CAPN10: variants seen among roughly 807,000 people sequenced by gnomAD.
CAPN10 encodes the protein calpain 10, also known as calpain-10.
CAPN10 carries 71 observed loss-of-function variants against 78.4 expected under a neutral mutation model. The observed-to-expected ratio is 0.91, with a 90% confidence interval of 0.75 to 1.10. The LOEUF is 1.10. Among genes scored for constraint, CAPN10 ranks in the 50% least tolerant of loss-of-function variants. The pLI is 0.00. For synonymous variants in CAPN10, 437 were observed against 407.2 expected (o/e 1.07, Z -0.88); for missense variants, 849 against 924.6 (o/e 0.92, Z 1.06).
rs1022101631 is a variant in CAPN10 at position 240,598,743 on chromosome 2, G to A, written c.*63G>A. ...CCGAGGGCCTGACAGGTTCCCAGCA[G>A]CTGGGCCGGCCAGCCTTGCACTGTG... On this transcript the variant is annotated 3_prime_UTR_variant, in exon 12 of 12. Transcript: ENST00000391984. 6 of 1,473,018 alleles carry A rather than the reference G, an allele frequency of 4.1e-6. No homozygotes were observed. The East Asian group carries it at 1.5e-4, about 36-fold the overall frequency. The allele number at this position is 1,473,018 out of a possible 1,614,324, so 91.2% of individuals were successfully genotyped here.
chr2:240,594,457 C>G, intron 5 of CAPN10, 86 bp from the exon 6 acceptor site: 1 of 1,376,402 alleles, frequency 7.3e-7, no homozygotes, highest in South Asian at 1.3e-5. Flanking sequence ...CTCTCTGGGT[C>G]CCCTCCAGGC....
intron 7 of CAPN10, 128 bp downstream of exon 7, chr2:240,595,432 C>T (rs992283859): frequency 1.4e-5 from 14 of 1,020,646 alleles, no homozygotes; most frequent in Middle Eastern, 4.2e-4. Context: ...AGTCTCCCCC[C>T]TCCTTGGGCT....
chr2:240,593,429 C>G (rs72999992), intron 4 of CAPN10, among the ~76,000 whole-genome samples: 31 of 152,364 alleles, frequency 2.0e-4, no homozygotes, highest in Non-Finnish European at 3.5e-4. Context: ...AGGTCTCTGG[C>G]CAGGTGGAGC....
chr2:240,590,485 T>A, intron 2 of CAPN10: 1 of 246,618 alleles, frequency 4.1e-6, no homozygotes, highest in Non-Finnish European at 7.9e-6. Flanking sequence ...CTCGGTGTGG[T>A]CCTCAAGTTT....
At position 240,595,011 on chromosome 2, in the gene CAPN10, GT is replaced by G. The variant is rs1293642053; in HGVS notation, c.998-9del. On this transcript the variant is annotated splice_polypyrimidine_tract_variant and intron_variant, in intron 6 of 11. Coordinates refer to ENST00000391984, the MANE Select transcript of CAPN10 (RefSeq NM_023083.4). Reference sequence around the variant, plus strand: ...CCGTGTCCCACAGCTGATGCCTGGTGTTTTCTCACTAGAGAGGCTGCTCTGC... The same window carrying G: ...CCGTGTCCCACAGCTGATGCCTGGTGTTTCTCACTAGAGAGGCTGCTCTGC... 6.2e-7 allele frequency: 1 copy of G among 1,612,214 alleles called. No individual in the cohort carries two copies. Among genetic ancestry groups the G allele is most frequent in the Non-Finnish European group, 8.5e-7 (1 of 1,179,766 alleles).
intron 7 of CAPN10, chr2:240,595,839 A>T (rs2093133163): frequency 3.6e-6 from 3 of 829,898 alleles, no homozygotes; most frequent in Non-Finnish European, 5.4e-6. Flanking sequence ...GGAAGAACAG[A>T]TGGGGGCGCC....
In CAPN10 at chr2:240,596,509, G is replaced by A. The variant is rs752192395; in HGVS notation, c.1469G>A (p.Arg490Gln). ...EFLLRVFSTG[R>Q]VSLSAIRAVA... ...CTGCTCCGAGTCTTCTCTACCGGGC[G>A]AGTCTCCCTTAGGTGAGAGGAACCG... The change falls in exon 8 of 12, where the codon CGA (arginine) becomes CAA (glutamine). Residue 490 changes from arginine to glutamine, a missense_variant. Coordinates refer to ENST00000391984, the MANE Select transcript of CAPN10 (RefSeq NM_023083.4). 42 of 1,608,130 alleles carry A rather than the reference G, an allele frequency of 2.6e-5. No homozygotes were observed. Among genetic ancestry groups the A allele is most frequent in the Non-Finnish European group, 3.3e-5 (39 of 1,176,076 alleles).
chr2:240,586,864 T>G lies in CAPN10; in HGVS notation c.-48T>G. On this transcript the variant is annotated 5_prime_UTR_variant, in exon 1 of 12. Transcript: ENST00000391984. ...GGCTGACTCGCCTTCTCTCCGGGGCTGCGACCCCGAGGCAACCGGCTGCAG... is the reference window on the plus strand; with the variant it reads ...GGCTGACTCGCCTTCTCTCCGGGGCGGCGACCCCGAGGCAACCGGCTGCAG... 7.5e-7 allele frequency: 1 copy of G among 1,332,034 alleles called. No individual in the cohort carries two copies. The highest frequency in any genetic ancestry group is 9.6e-7 in the Non-Finnish European group (1 of 1,045,104). The allele number at this position is 1,332,034 out of a possible 1,614,324, so 82.5% of individuals were successfully genotyped here.
Position 240,599,006 on chromosome 2 carries a change from C to T in CAPN10, c.*326C>T. 2 of 467,524 alleles carry T rather than the reference C, an allele frequency of 4.3e-6. No individual in the cohort carries two copies. Among genetic ancestry groups the T allele is most frequent in the Non-Finnish European group, 7.7e-6 (2 of 260,472 alleles). 29.0% of individuals were successfully genotyped at this position (467,524 alleles called of 1,614,324 possible). A position where few individuals can be genotyped will look rare whatever the true frequency, so the allele number is the denominator to read the frequency against. The stretch of plus-strand genomic sequence containing the variant: ...CTGACTCCATATGGAGGCCTCACAC[C>T]CAGAGGGTAGGGCAGCAGATCTTCT... On this transcript the variant is annotated 3_prime_UTR_variant, in exon 12 of 12. Coordinates refer to ENST00000391984, the MANE Select transcript of CAPN10 (RefSeq NM_023083.4).
At position 240,596,785 on chromosome 2, in the gene CAPN10, CG is replaced by C; in HGVS notation, c.1592del (p.Gly531AlafsTer71). On this transcript the variant is annotated frameshift_variant, in exon 9 of 12. Transcript: ENST00000391984. LOFTEE classifies it high-confidence loss of function. ...GGTTCTTGGAGAGTCGGCCAGACGG[CG>C]GGGGGCAGCAGGAACTTTGCCTCAT... ...LRGSWRVGQTAGGSRNFASYP... is the reference protein window; with the variant it reads ...LRGSWRVGQTXGGSRNFASYP... The C allele has an allele frequency of 6.2e-7, 1 of 1,612,512 alleles. No individual in the cohort carries two copies. Among genetic ancestry groups the C allele is most frequent in the Non-Finnish European group, 8.5e-7 (1 of 1,179,698 alleles).
At chr2:240,594,079 C>T (rs780999218) in intron 5 of CAPN10, 32 bp downstream of exon 5, 18 of 1,539,594 alleles carry the variant, frequency 1.2e-5, no homozygotes, top group East Asian at 4.6e-5. Flanking sequence ...ATGCTGCTGT[C>T]GGGAGGGGGG....
intron 9 of CAPN10, among the ~76,000 whole-genome samples, 164 bp downstream of exon 9, chr2:240,597,106 C>T (rs1395549078): frequency 6.6e-6 from 1 of 152,278 alleles, no homozygotes; most frequent in Non-Finnish European, 1.5e-5. Flanking sequence ...CTCCCATCTC[C>T]AACCTCTCAG....
intron 7 of CAPN10, chr2:240,596,000 C>T (rs1174430038): frequency 3.5e-6 from 5 of 1,432,296 alleles, no homozygotes; most frequent in East Asian, 3.4e-5. Context: ...ATGTTCCTTT[C>T]CTCTTGCAAA....
chr2:240,598,005 G>A lies in CAPN10; in HGVS notation c.1861G>A (p.Gly621Ser). 1 of 1,613,252 alleles carries A rather than the reference G, an allele frequency of 6.2e-7. No individual in the cohort carries two copies. Among genetic ancestry groups the A allele is most frequent in the Non-Finnish European group, 8.5e-7 (1 of 1,179,970 alleles). ...GAGCCGGCTCTGCCTCCTGCCTGCG[G>A]GCACCTACAAGGTTGTGCCCTCCAC... The part of the protein sequence containing the change: ...EVSRLCLLPA[G>S]TYKVVPSTYL... Residue 621 changes from glycine to serine, a missense_variant, in exon 10 of 12, where the codon GGC becomes AGC. Physicochemically the swap from Gly to Ser is moderately conservative, Grantham distance 56. Coordinates refer to ENST00000391984, the MANE Select transcript of CAPN10 (RefSeq NM_023083.4).
At chr2:240,596,070 T>G in intron 7 of CAPN10, 2 of 1,523,506 alleles carry the variant, frequency 1.3e-6, no homozygotes, top group Non-Finnish European at 8.8e-7. Context: ...CACGGTGCCT[T>G]TGTGGGCCCA....
chr2:240,591,256 C>A, intron 3 of CAPN10: 1 of 512,688 alleles, frequency 2.0e-6, no homozygotes, highest in Non-Finnish European at 3.5e-6. Flanking sequence ...GAGTCGTTCT[C>A]CACAGAGAAC....
chr2:240,594,814 C>A, intron 6 of CAPN10, 105 bp downstream of exon 6: 2 of 704,658 alleles, frequency 2.8e-6, no homozygotes, highest in Admixed American at 4.9e-5. Flanking sequence ...TGGTTCTCTT[C>A]AGCGTGGAGA....
chr2:240,596,939 C>T lies in CAPN10; in HGVS notation c.1740C>T (p.Phe580=), dbSNP rs1193430022. Residue 580 remains phenylalanine (F), a synonymous_variant, in exon 9 of 12, where the codon TTC becomes TTT. Transcript: ENST00000391984. Reference sequence around the variant, plus strand: ...TCCACCCCATCGGCTTCCATATCTTCCAGGCAAGCTCCTTGCCCCAGGGAG... The same window carrying T: ...TCCACCCCATCGGCTTCCATATCTTTCAGGCAAGCTCCTTGCCCCAGGGAG... ...TEFHPIGFHI[F]QVPEGGRSQD... 1 of 1,613,474 alleles carries T rather than the reference C, an allele frequency of 6.2e-7. No individual in the cohort carries two copies. The highest frequency in any genetic ancestry group is 2.2e-5 in the East Asian group (1 of 44,886).
chr2:240,589,482 GCC>G lies in CAPN10; in HGVS notation c.273+11_273+12del, dbSNP rs758480249. 6.2e-7 allele frequency: 1 copy of G among 1,607,370 alleles called. No individual in the cohort carries two copies. Among genetic ancestry groups the G allele is most frequent in the South Asian group, 1.1e-5 (1 of 90,620 alleles). On this transcript the variant is annotated intron_variant, in intron 2 of 11. Transcript: ENST00000391984. The stretch of plus-strand genomic sequence containing the variant: ...AGGCACCTCCTGGACCAGGTGCGGG[GCC>G]CCTTCCCTGTGTTTGTCCTGGAGCC...
Sources: gnomAD v4.1 joint callset for allele counts (sites outside exome capture counted in the v4.1 genomes callset) on GRCh38, gnomAD v4.1.1 for gene constraint, MANE v1.5 for transcripts, NCBI Gene and HGNC (gene_info 2026-07-23, HGNC 2026-07-21) for gene names.